The following PRKN variants were observed in gnomAD, a reference collection of about 807,000 sequenced individuals.
The protein encoded by PRKN is parkin RBR E3 ubiquitin protein ligase, also known as E3 ubiquitin-protein ligase parkin.
Under a neutral mutation model 59.5 loss-of-function variants are expected in PRKN, and 56 were observed. The observed-to-expected ratio is 0.94, with a 90% CI of 0.76 to 1.18. PRKN has a LOEUF of 1.18. Ranked by LOEUF, PRKN falls within the 50% of genes most tolerant of loss-of-function variation. PRKN has a pLI of 0.00. For missense variants in PRKN, 657 were observed against 596.4 expected (o/e 1.10, Z -1.06); for synonymous variants, 250 against 222.1 (o/e 1.13, Z -1.12).
intron 4 of PRKN, among the ~76,000 whole-genome samples, chr6:162,060,539 A>G (rs1273519583): frequency 6.6e-6 from 1 of 152,248 alleles, no homozygotes; most frequent in Non-Finnish European, 1.5e-5. Context: ...TATTTTCAAA[A>G]GTTCTAGAAC....
intron 1 of PRKN, among the ~76,000 whole-genome samples, chr6:162,627,697 G>T (rs576888612): frequency 2.7e-4 from 41 of 152,240 alleles, no homozygotes; most frequent in African/African-American, 9.1e-4. Context: ...AAACAAATAG[G>T]TGGAGAGACA....
intron 6 of PRKN, among the ~76,000 whole-genome samples, chr6:161,878,419 T>A (rs1225709496): frequency 2.0e-5 from 3 of 152,102 alleles, no homozygotes; most frequent in African/African-American, 7.2e-5. Flanking sequence ...TCCCCTTTCA[T>A]CCCAGAGCCG....
chr6:161,515,544 G>A (rs1202613116), intron 9 of PRKN, among the ~76,000 whole-genome samples: 1 of 152,132 alleles, frequency 6.6e-6, no homozygotes, highest in African/African-American at 2.4e-5. Context: ...TTTAAAATGA[G>A]GAGTCAATTG....
chr6:162,362,481 C>T (rs115579609), intron 2 of PRKN, among the ~76,000 whole-genome samples: 25 of 151,756 alleles, frequency 1.6e-4, no homozygotes, highest in African/African-American at 5.8e-4. Flanking sequence ...AAATAAGGGC[C>T]GTGTAAAATA....
chr6:162,046,826 C>T (rs763075396), intron 5 of PRKN, among the ~76,000 whole-genome samples: 18 of 151,334 alleles, frequency 1.2e-4, no homozygotes, highest in Non-Finnish European at 2.1e-4. Flanking sequence ...CATATACAAA[C>T]GAAATTTTGA....
At chr6:162,497,822 G>A (rs1793136972) in intron 1 of PRKN, among the ~76,000 whole-genome samples, 1 of 152,140 alleles carries the variant, frequency 6.6e-6, no homozygotes, top group South Asian at 2.1e-4. Flanking sequence ...TAGATAGAAG[G>A]AATATGTTCT....
At chr6:162,615,791 T>C (rs988078411) in intron 1 of PRKN, among the ~76,000 whole-genome samples, 2 of 152,194 alleles carry the variant, frequency 1.3e-5, no homozygotes, top group Admixed American at 6.6e-5. Context: ...GAAGAACGAC[T>C]TGCAAAACCC....
chr6:162,046,174 G>C (rs1784239981), intron 5 of PRKN, among the ~76,000 whole-genome samples: 1 of 152,138 alleles, frequency 6.6e-6, no homozygotes, highest in African/African-American at 2.4e-5. Flanking sequence ...GTCTAAACCT[G>C]CAATGCAACC....
chr6:161,942,085 T>C (rs1158345716), intron 6 of PRKN, among the ~76,000 whole-genome samples: 1 of 152,112 alleles, frequency 6.6e-6, no homozygotes, highest in Non-Finnish European at 1.5e-5. Flanking sequence ...CAACCTGAAA[T>C]ATGGCCCTCG....
intron 6 of PRKN, among the ~76,000 whole-genome samples, chr6:161,845,937 A>G (rs1276403544): frequency 6.6e-6 from 1 of 152,138 alleles, no homozygotes; most frequent in Middle Eastern, 3.2e-3. Context: ...CCGTGTGCCA[A>G]CTCCATTTTA....
chr6:162,519,930 T>C (rs1017710591), intron 1 of PRKN, among the ~76,000 whole-genome samples: 1 of 152,150 alleles, frequency 6.6e-6, no homozygotes, highest in African/African-American at 2.4e-5. Context: ...ATTGAAGATA[T>C]CAAAATATAT....
intron 4 of PRKN, among the ~76,000 whole-genome samples, chr6:162,122,716 T>TTCTGTCTATCTA (rs1554274005): frequency 6.8e-6 from 1 of 147,804 alleles, no homozygotes; most frequent in Non-Finnish European, 1.5e-5. Context: ...GCTCAATCTG[T>TTCTGTCTATCTA]TCTATCTATC....
At chr6:161,559,254 C>T (rs1296314117) in intron 8 of PRKN, among the ~76,000 whole-genome samples, 3 of 152,064 alleles carry the variant, frequency 2.0e-5, no homozygotes, top group Non-Finnish European at 4.4e-5. Context: ...CCATGTGTGA[C>T]ACGGAGCAGC....
intron 2 of PRKN, among the ~76,000 whole-genome samples, chr6:162,313,866 T>C (rs1445718711): frequency 6.6e-6 from 1 of 152,168 alleles, no homozygotes; most frequent in Non-Finnish European, 1.5e-5. Context: ...TTATAAATAA[T>C]GCTGCTGTGA....
At chr6:162,087,535 G>C (rs939205279) in intron 4 of PRKN, among the ~76,000 whole-genome samples, 1 of 149,902 alleles carries the variant, frequency 6.7e-6, no homozygotes, top group Non-Finnish European at 1.5e-5. Context: ...AGGAAGCATG[G>C]TTTCTGCTTC....
chr6:161,513,190 A>T (rs756446175), intron 9 of PRKN, among the ~76,000 whole-genome samples: 1 of 152,168 alleles, frequency 6.6e-6, no homozygotes, highest in Non-Finnish European at 1.5e-5. Context: ...TACATTCTCA[A>T]ACTGTGACGG....
Position 161,400,577 on chromosome 6 carries a change from G to C in PRKN, c.1084-13700C>G, listed in dbSNP as rs1786986052. Among the ~76,000 whole-genome samples the C allele has an allele frequency of 6.6e-6, 1 of 152,060 alleles. No homozygotes were observed. The highest frequency in any genetic ancestry group is 1.5e-5 in the Non-Finnish European group (1 of 68,028). On this transcript the variant is annotated intron_variant, in intron 9 of 11. Coordinates refer to ENST00000366898, the MANE Select transcript of PRKN (RefSeq NM_004562.3). The surrounding 1 kb of genome is among the most constrained non-coding windows in gnomAD (Gnocchi z 4.2). ...AATCCGTTCCCCTCAGCCTCCCAAA[G>C]TGCTGGGATTACAGGCATGAGCCAC...
rs138542677 is a variant in PRKN, at chr6:162,175,976, T to C, written c.534+25155A>G. On this transcript the variant is annotated intron_variant, in intron 4 of 11. Transcript: ENST00000366898. Reference sequence around the variant, plus strand: ...CTGACAGAAAATCTGCTCAATGTTTTAATTTTAAAGGTAGATTATGGATTC... The same window carrying C: ...CTGACAGAAAATCTGCTCAATGTTTCAATTTTAAAGGTAGATTATGGATTC... Among the ~76,000 whole-genome samples the C allele has an allele frequency of 4.6e-5, 7 of 152,348 alleles. No individual in the cohort carries two copies. In the East Asian group the frequency reaches 1.3e-3, roughly 29 times the overall value.
intron 3 of PRKN, 170 bp downstream of exon 3, chr6:162,262,355 A>G (rs1779923640): frequency 2.5e-6 from 2 of 793,330 alleles, no homozygotes; most frequent in Admixed American, 3.5e-5. Flanking sequence ...GCATTCTCAA[A>G]TGTTACATCA....
Sources: allele counts gnomAD v4.1 joint callset (sites outside exome capture counted in the v4.1 genomes callset), GRCh38; gene constraint gnomAD v4.1.1; non-coding constraint Gnocchi (gnomAD v3.1); transcripts MANE v1.5; gene names NCBI Gene and HGNC (gene_info 2026-07-23, HGNC 2026-07-21).